ZNF555: variants seen among roughly 807,000 people sequenced by gnomAD.
The protein encoded by ZNF555 is zinc finger protein 555.
Under a neutral mutation model 14.0 loss-of-function variants are expected in ZNF555, and 10 were observed. The observed-to-expected ratio is 0.72, with a 90% CI of 0.44 to 1.21. The LOEUF (loss-of-function observed/expected upper bound fraction) is 1.21. Among genes scored for constraint, ZNF555 ranks in the 50% most tolerant of loss-of-function variants. The pLI is 0.00. For missense variants in ZNF555, 747 were observed against 762.0 expected (o/e 0.98, Z 0.23); for synonymous variants, 277 against 262.4 (o/e 1.06, Z -0.54).
chr19:2,853,060 TAAC>T lies in ZNF555; in HGVS notation c.997_999del (p.Thr333del). 6.2e-7 allele frequency: 1 copy of T among 1,613,950 alleles called. No homozygotes were observed. Among genetic ancestry groups the T allele is most frequent in the Non-Finnish European group, 8.5e-7 (1 of 1,179,970 alleles). On this transcript the variant is annotated inframe_deletion, in exon 4 of 4. Transcript: ENST00000334241. ...TCTTCGGCTTTTCGAAGACACATGA[TAAC>T]ACACACTGGAGAGAAACCCTACGAA...
At position 2,858,834 on chromosome 19, in the gene ZNF555, G is replaced by T. The variant is rs1357145958; in HGVS notation, c.*4882G>T. On this transcript the variant is annotated 3_prime_UTR_variant, in exon 4 of 4. Coordinates refer to ENST00000334241, the MANE Select transcript of ZNF555 (RefSeq NM_152791.5). ...GCTGGGACCCACCTACAGTGATGGG[G>T]TGATGGGGTTTCACCTATAAGCGGG... 6.6e-6 allele frequency: 1 copy of T among 152,326 alleles called. No homozygotes were observed. The highest frequency in any genetic ancestry group is 2.4e-5 in the African/African-American group (1 of 41,454). 9.4% of individuals were successfully genotyped at this position (152,326 alleles called of 1,614,324 possible). A position where few individuals can be genotyped will look rare whatever the true frequency, so the allele number is the denominator to read the frequency against.
intron 1 of ZNF555, among the ~76,000 whole-genome samples, chr19:2,849,884 G>C (rs1005187276): frequency 2.6e-5 from 4 of 152,070 alleles, no homozygotes; most frequent in Admixed American, 1.3e-4. Context: ...GTGTGTACGA[G>C]AGAGAGCCAG....
At chr19:2,847,807 G>T (rs781064200) in intron 1 of ZNF555, among the ~76,000 whole-genome samples, 3 of 152,106 alleles carry the variant, frequency 2.0e-5, no homozygotes, top group African/African-American at 7.2e-5. Flanking sequence ...ATATCTTTCT[G>T]GGGGACCACG....
In ZNF555 at chr19:2,852,724, G is replaced by A; in HGVS notation, c.659G>A (p.Arg220Lys). 5.0e-6 allele frequency: 8 copies of A among 1,614,152 alleles called. No homozygotes were observed. The highest frequency in any genetic ancestry group is 6.8e-6 in the Non-Finnish European group (8 of 1,180,010). ...PRTSSLNRHV[R>K]IHTAEKTYEC... Reference sequence around the variant, plus strand: ...ACTTCCTCCCTCAATCGGCATGTAAGGATTCACACTGCTGAGAAAACCTAC... The same window carrying A: ...ACTTCCTCCCTCAATCGGCATGTAAAGATTCACACTGCTGAGAAAACCTAC... The change falls in exon 4 of 4, where the codon AGG becomes AAG. Residue 220 changes from arginine to lysine, a missense_variant. By Grantham distance (26) the Arg-to-Lys change is conservative. Coordinates refer to ENST00000334241, the MANE Select transcript of ZNF555 (RefSeq NM_152791.5).
At position 2,857,663 on chromosome 19, in the gene ZNF555, A is replaced by G. The variant is rs971061494; in HGVS notation, c.*3711A>G. 1 of 152,178 alleles carries G rather than the reference A, an allele frequency of 6.6e-6. No homozygotes were observed. Among genetic ancestry groups the G allele is most frequent in the Admixed American group, 6.5e-5 (1 of 15,276 alleles). 9.4% of individuals were successfully genotyped at this position (152,178 alleles called of 1,614,324 possible). A position where few individuals can be genotyped will look rare whatever the true frequency, so the allele number is the denominator to read the frequency against. ...TGTATGTATATTTTAAAGTTAAACA[A>G]TAAAAATGCTTTCAGTTTATTAAAG... On this transcript the variant is annotated 3_prime_UTR_variant, in exon 4 of 4. Coordinates refer to ENST00000334241, the MANE Select transcript of ZNF555 (RefSeq NM_152791.5).
chr19:2,842,125 C>G (rs550721779), intron 1 of ZNF555, among the ~76,000 whole-genome samples: 1 of 152,126 alleles, frequency 6.6e-6, no homozygotes, highest in Non-Finnish European at 1.5e-5. Context: ...TCTGGGGGAC[C>G]CTGGGTTCCT....
chr19:2,851,461 G>A lies in ZNF555; in HGVS notation c.131-7G>A. The A allele has an allele frequency of 1.9e-6, 3 of 1,562,724 alleles. No individual in the cohort carries two copies. The highest frequency in any genetic ancestry group is 2.6e-6 in the Non-Finnish European group (3 of 1,158,712). On this transcript the variant is annotated splice_region_variant and splice_polypyrimidine_tract_variant and intron_variant, in intron 2 of 3. Transcript: ENST00000334241. ...TCTTATATGATTTGTTTACTTTTTG[G>A]TTTCAGATGATGAAACTCAATTTAA...
rs1482201087 is a variant in ZNF555 at position 2,857,329 on chromosome 19, T to A, written c.*3377T>A. On this transcript the variant is annotated 3_prime_UTR_variant, in exon 4 of 4. Coordinates refer to ENST00000334241, the MANE Select transcript of ZNF555 (RefSeq NM_152791.5). ...ATTCATGTAGCTCATGATGATGGAA[T>A]CAAGTTTGAAGGCTTAACCTGTGCT... The A allele has an allele frequency of 6.6e-6, 1 of 152,230 alleles. No homozygotes were observed. Among genetic ancestry groups the A allele is most frequent in the African/African-American group, 2.4e-5 (1 of 41,462 alleles). The allele number at this position is 152,230 out of a possible 1,614,324, so 9.4% of individuals were successfully genotyped here.
At chr19:2,848,234 C>G (rs919189020) in intron 1 of ZNF555, among the ~76,000 whole-genome samples, 14 of 151,870 alleles carry the variant, frequency 9.2e-5, no homozygotes, top group African/African-American at 9.7e-5. Flanking sequence ...TCACTACAAG[C>G]TCCGCCTCCC....
At chr19:2,849,071 A>C (rs1436584165) in intron 1 of ZNF555, among the ~76,000 whole-genome samples, 1 of 152,164 alleles carries the variant, frequency 6.6e-6, no homozygotes, top group African/African-American at 2.4e-5. Context: ...CAGGGAGCTC[A>C]TATTGTCCCC....
rs1379466516 is a variant in ZNF555 at position 2,855,880 on chromosome 19, A to C, written c.*1928A>C. On this transcript the variant is annotated 3_prime_UTR_variant, in exon 4 of 4. Coordinates refer to ENST00000334241, the MANE Select transcript of ZNF555 (RefSeq NM_152791.5). ...CATGTGACAATATTTTTATACATAC[A>C]CACCACTCATTGGGTTAGGCCCCAC... 1.3e-5 allele frequency: 2 copies of C among 152,054 alleles called. No individual in the cohort carries two copies. Among genetic ancestry groups the C allele is most frequent in the East Asian group, 3.9e-4 (2 of 5,184 alleles). 9.4% of individuals were successfully genotyped at this position (152,054 alleles called of 1,614,324 possible).
At chr19:2,843,786 C>G (rs571998413) in intron 1 of ZNF555, among the ~76,000 whole-genome samples, 13 of 152,308 alleles carry the variant, frequency 8.5e-5, no homozygotes, top group Admixed American at 3.9e-4. Flanking sequence ...AAGTGTTTAT[C>G]CTCTGCAATG....
rs993744717 is a variant in ZNF555 at position 2,853,620 on chromosome 19, T to A, written c.1555T>A (p.Trp519Arg). ...KCKQCGKAFS[W>R]PELLQQHVRT... ...CAAGCAGTGTGGGAAAGCTTTCAGT[T>A]GGCCTGAACTTTTGCAACAACATGT... Residue 519 changes from tryptophan (W) to arginine (R), a missense_variant, in exon 4 of 4, where the codon TGG (tryptophan) becomes AGG (arginine). Coordinates refer to ENST00000334241, the MANE Select transcript of ZNF555 (RefSeq NM_152791.5). 1.2e-6 allele frequency: 2 copies of A among 1,606,320 alleles called. No homozygotes were observed. Among genetic ancestry groups the A allele is most frequent in the African/African-American group, 2.7e-5 (2 of 74,574 alleles).
At chr19:2,844,072 C>T in intron 1 of ZNF555, among the ~76,000 whole-genome samples, 1 of 150,142 alleles carries the variant, frequency 6.7e-6, no homozygotes, top group South Asian at 2.1e-4. Flanking sequence ...TTCTTTCTCC[C>T]TCTTTCCTTT....
At chr19:2,844,613 G>A (rs1014117242) in intron 1 of ZNF555, among the ~76,000 whole-genome samples, 2 of 152,248 alleles carry the variant, frequency 1.3e-5, no homozygotes, top group Non-Finnish European at 2.9e-5. Context: ...CAGACACCCA[G>A]GAGGAAAGCA....
At chr19:2,851,345 AT>A in intron 2 of ZNF555, 122 bp from the exon 3 acceptor site, 1 of 727,768 alleles carries the variant, frequency 1.4e-6, no homozygotes, top group South Asian at 2.2e-5. Context: ...TACTGTGTTG[AT>A]TGAGTTGCTT....
chr19:2,846,586 A>G (rs1160271433), intron 1 of ZNF555, among the ~76,000 whole-genome samples: 1 of 152,246 alleles, frequency 6.6e-6, no homozygotes, highest in African/African-American at 2.4e-5. Flanking sequence ...AGCAGTGGAC[A>G]TAGTGAGGAT....
chr19:2,841,569 G>T lies in ZNF555; in HGVS notation c.-4G>T. ...CGCCGGTAGCGAAGAAATCGCCCCG[G>T]GACATGGTGAGTGTGGCGCAGGAGA... On this transcript the variant is annotated 5_prime_UTR_variant, in exon 1 of 4. Transcript: ENST00000334241. 6.5e-7 allele frequency: 1 copy of T among 1,543,666 alleles called. No homozygotes were observed. The highest frequency in any genetic ancestry group is 8.7e-7 in the Non-Finnish European group (1 of 1,143,772).
chr19:2,853,278 T>C lies in ZNF555; in HGVS notation c.1213T>C (p.Phe405Leu). 1 of 1,614,122 alleles carries C rather than the reference T, an allele frequency of 6.2e-7. No individual in the cohort carries two copies. Among genetic ancestry groups the C allele is most frequent in the Non-Finnish European group, 8.5e-7 (1 of 1,180,012 alleles). The change falls in exon 4 of 4, where the codon TTC becomes CTC. Residue 405 changes from phenylalanine to leucine, a missense_variant. By Grantham distance (22) the Phe-to-Leu change is conservative. Transcript: ENST00000334241. ...TGAATGCAACCAGTGCGGGAAAGCA[T>C]TCAGTCACCCCTCCTCCTTTCGAGG... ...PYECNQCGKA[F>L]SHPSSFRGHM...
Sources: gnomAD v4.1 joint callset for allele counts (sites outside exome capture counted in the v4.1 genomes callset) on GRCh38, gnomAD v4.1.1 for gene constraint, MANE v1.5 for transcripts, NCBI Gene and HGNC (gene_info 2026-07-23, HGNC 2026-07-21) for gene names.